YBX3: variants seen among roughly 807,000 people sequenced by gnomAD.
YBX3 encodes the protein Y-box-binding protein 3.
YBX3 carries 29 observed loss-of-function variants against 42.4 expected under a neutral mutation model. The observed-to-expected ratio is 0.68, with a 90% CI of 0.51 to 0.93. The LOEUF (loss-of-function observed/expected upper bound fraction) is 0.93, where lower values mean the gene tolerates loss of function less well. Among genes scored for constraint, YBX3 ranks in the 40% least tolerant of loss-of-function variants. The probability of loss-of-function intolerance (pLI) is 0.00; values close to 1 mark genes in which losing one functional copy is unlikely to be tolerated. For synonymous variants in YBX3, 195 were observed against 189.8 expected (o/e 1.03, Z -0.22); for missense variants, 517 against 527.5 (o/e 0.98, Z 0.19).
intron 6 of YBX3, 67 bp downstream of exon 6, chr12:10,709,837 AGGAG>A: frequency 6.4e-7 from 1 of 1,557,550 alleles, no homozygotes; most frequent in Non-Finnish European, 8.8e-7. Flanking sequence ...TTGGAGGAGG[AGGAG>A]GAAGAGGAGG....
chr12:10,700,815 C>T (rs762633590), intron 9 of YBX3, among the ~76,000 whole-genome samples: 41 of 151,700 alleles, frequency 2.7e-4, no homozygotes, highest in Non-Finnish European at 4.9e-4. Context: ...CACTATGCTG[C>T]ACCGCCTCAA....
At position 10,723,029 on chromosome 12, in the gene YBX3, TG is replaced by T. The variant is rs1305080155; in HGVS notation, c.82del (p.Gln28ArgfsTer46). 1 of 1,204,342 alleles carries T rather than the reference TG, an allele frequency of 8.3e-7. No homozygotes were observed. 74.6% of individuals were successfully genotyped at this position (1,204,342 alleles called of 1,614,324 possible). A position where few individuals can be genotyped will look rare whatever the true frequency, so the allele number is the denominator to read the frequency against. On this transcript the variant is annotated frameshift_variant, in exon 1 of 10. Coordinates refer to ENST00000228251, the MANE Select transcript of YBX3 (RefSeq NM_003651.5). LOFTEE classifies it high-confidence loss of function. ...APTEAAAAAP[Q>X]DPAPKSPVGS... Reference sequence around the variant, plus strand: ...CACCGGGCTCTTGGGCGCGGGGTCCTGGGGAGCCGCGGCGGCCGCCTCCGTC... The same window carrying T: ...CACCGGGCTCTTGGGCGCGGGGTCCTGGGAGCCGCGGCGGCCGCCTCCGTC...
chr12:10,709,879 C>T (rs1181214197), intron 6 of YBX3, 29 bp downstream of exon 6: 2 of 1,612,296 alleles, frequency 1.2e-6, no homozygotes, highest in Non-Finnish European at 1.7e-6. Context: ...GTGAGGATTG[C>T]TGAAGAGAAG....
chr12:10,722,149 T>C (rs1183838689), intron 1 of YBX3: 2 of 152,248 alleles, frequency 1.3e-5, no homozygotes, highest in Non-Finnish European at 2.9e-5. Context: ...TAGCCATTGG[T>C]GGACACTGAA....
chr12:10,719,205 C>T (rs1948297936), intron 1 of YBX3, 62 bp from the exon 2 acceptor site: 1 of 1,381,046 alleles, frequency 7.2e-7, no homozygotes, highest in Non-Finnish European at 1.0e-6. Flanking sequence ...GCTCATATCA[C>T]TAAGATCTTG....
intron 5 of YBX3, chr12:10,710,337 A>G (rs932336161): frequency 5.9e-5 from 84 of 1,428,794 alleles, no homozygotes; most frequent in Non-Finnish European, 7.4e-5. Flanking sequence ...CAAGAAGCAG[A>G]AAAGCAAGAG....
intron 6 of YBX3, among the ~76,000 whole-genome samples, chr12:10,708,617 T>C (rs145639741): frequency 9.2e-4 from 140 of 152,318 alleles, no homozygotes; most frequent in Non-Finnish European, 1.7e-3. Flanking sequence ...ACTTCTGACA[T>C]GGAATAGGTA....
chr12:10,711,873 G>A (rs535443059), intron 5 of YBX3: 2 of 152,162 alleles, frequency 1.3e-5, no homozygotes, highest in Non-Finnish European at 2.9e-5. Flanking sequence ...TACCACTTTT[G>A]CTTTTGAATT....
intron 6 of YBX3, 30 bp downstream of exon 6, chr12:10,709,877 TG>T (rs1565588383): frequency 6.2e-7 from 1 of 1,611,782 alleles, no homozygotes. Flanking sequence ...GGGTGAGGAT[TG>T]CTGAAGAGAA....
chr12:10,708,754 G>A (rs1948165900), intron 6 of YBX3, among the ~76,000 whole-genome samples: 1 of 152,204 alleles, frequency 6.6e-6, no homozygotes, highest in Non-Finnish European at 1.5e-5. Flanking sequence ...GAACGACTTT[G>A]CTCTGAAACT....
intron 6 of YBX3, among the ~76,000 whole-genome samples, chr12:10,706,738 C>A (rs751477078): frequency 6.6e-6 from 1 of 152,136 alleles, no homozygotes. Flanking sequence ...TCCAAATCAG[C>A]CAGGAGCGGT....
chr12:10,715,752 T>C lies in YBX3; in HGVS notation c.392A>G (p.Tyr131Cys). 4 of 1,614,038 alleles carry C rather than the reference T, an allele frequency of 2.5e-6. No homozygotes were observed. Among genetic ancestry groups the C allele is most frequent in the Non-Finnish European group, 2.5e-6 (3 of 1,179,954 alleles). Residue 131 changes from tyrosine (Y) to cysteine (C), a missense_variant, in exon 4 of 10, where the codon TAT becomes TGT. By Grantham distance (194) the Tyr-to-Cys change is radical. Coordinates refer to ENST00000228251, the MANE Select transcript of YBX3 (RefSeq NM_003651.5). ...TTCTCCATCTCCTACACTGCGCAGA[T>C]ATTTCCGTGGGTTATTCTTCTTGAT... Reference protein sequence around the residue: ...TAIKKNNPRKYLRSVGDGETV... With the variant: ...TAIKKNNPRKCLRSVGDGETV...
chr12:10,713,151 C>T (rs1004465667), intron 5 of YBX3, 60 bp downstream of exon 5: 9 of 1,559,688 alleles, frequency 5.8e-6, no homozygotes, highest in Non-Finnish European at 5.2e-6. Context: ...CAAGTACATA[C>T]ACTTAATTCC....
chr12:10,713,074 T>G, intron 5 of YBX3, 137 bp downstream of exon 5: 4 of 1,201,502 alleles, frequency 3.3e-6, no homozygotes, highest in Non-Finnish European at 4.5e-6. Flanking sequence ...AAAAATTTCC[T>G]CTAAAGAAAA....
In YBX3 at chr12:10,704,076, G is replaced by C. The variant is rs764118341; in HGVS notation, c.853C>G (p.Pro285Ala). 1.1e-5 allele frequency: 17 copies of C among 1,614,168 alleles called. No homozygotes were observed. The highest frequency in any genetic ancestry group is 1.2e-5 in the Non-Finnish European group (14 of 1,180,020). The change falls in exon 7 of 10, where the codon CCA becomes GCA. Residue 285 changes from proline (P) to alanine (A), a missense_variant. Around this residue, in one of 3 missense-constraint regions of YBX3, gnomAD observed 420 missense variants for 408.5 expected, o/e 1.03. Transcript: ENST00000228251. ...CTACGGTACCTTGGGCGGTAAGTTG[G>C]ATTTCGATGAACCGGTCCCTGAAGT... Reference protein sequence around the residue: ...AQLQGPVHRNPTYRPRYRSRG... With the variant: ...AQLQGPVHRNATYRPRYRSRG...
intron 4 of YBX3, among the ~76,000 whole-genome samples, chr12:10,715,375 G>A (rs931254344): frequency 7.9e-5 from 12 of 151,616 alleles, no homozygotes; most frequent in African/African-American, 2.4e-4. Flanking sequence ...GTGAAACCCC[G>A]TCTCTACTAA....
At chr12:10,702,953 A>G (rs373646444) in intron 7 of YBX3, 4 of 152,336 alleles carry the variant, frequency 2.6e-5, no homozygotes, top group African/African-American at 4.8e-5. Flanking sequence ...GAGCTATATA[A>G]AAGTGCTGCT....
At position 10,700,533 on chromosome 12, in the gene YBX3, C is replaced by T. The variant is rs771759496; in HGVS notation, c.*34+721G>A. 3.3e-3 allele frequency among the ~76,000 whole-genome samples: 506 copies of T among 151,984 alleles called. 2 individuals are homozygous for T. The highest frequency in any genetic ancestry group is 5.3e-3 in the Non-Finnish European group (359 of 67,964). ...CTATAATTCTATGTAAATAAAATGTCCAAGACCTTTAAAAGACAGAAAAAA... is the reference window on the plus strand; with the variant it reads ...CTATAATTCTATGTAAATAAAATGTTCAAGACCTTTAAAAGACAGAAAAAA... On this transcript the variant is annotated intron_variant, in intron 9 of 9. Transcript: ENST00000228251.
rs1282520495 is a variant in YBX3, at chr12:10,699,426, AG to A, written c.*262del. Reference sequence around the variant, plus strand: ...AACCTAGCGGTTGCTGAAACTGGAGAGGCTACTCTCTTGTCTTCCGTGCAGG... The same window carrying A: ...AACCTAGCGGTTGCTGAAACTGGAGAGCTACTCTCTTGTCTTCCGTGCAGG... On this transcript the variant is annotated 3_prime_UTR_variant, in exon 10 of 10. Transcript: ENST00000228251. 8 of 152,628 alleles carry A rather than the reference AG, an allele frequency of 5.2e-5. No homozygotes were observed. The highest frequency in any genetic ancestry group is 1.9e-4 in the African/African-American group (8 of 41,454). The allele number at this position is 152,628 out of a possible 1,614,324, so 9.5% of individuals were successfully genotyped here. A position where few individuals can be genotyped will look rare whatever the true frequency, so the allele number is the denominator to read the frequency against.
Sources: allele counts gnomAD v4.1 joint callset (sites outside exome capture counted in the v4.1 genomes callset), GRCh38; gene constraint gnomAD v4.1.1; regional missense constraint gnomAD v4.1.1; transcripts MANE v1.5; gene names NCBI Gene and HGNC (gene_info 2026-07-23, HGNC 2026-07-21).